The following GPHN variants were observed in gnomAD, a reference collection of about 807,000 sequenced individuals.
GPHN encodes the protein gephyrin.
Under a neutral mutation model 95.5 loss-of-function variants are expected in GPHN, and 17 were observed. The ratio of observed to expected loss-of-function variants is 0.18; its 90% confidence interval spans 0.12 to 0.27. The LOEUF (loss-of-function observed/expected upper bound fraction) is 0.27, where lower values mean the gene tolerates loss of function less well. Ranked by LOEUF, GPHN falls within the 10% of genes least tolerant of loss-of-function variation. The pLI is 1.00. For missense variants in GPHN, 660 were observed against 978.1 expected (o/e 0.67, Z 4.34); for synonymous variants, 320 against 322.5 (o/e 0.99, Z 0.08).
chr14:67,392,412 T>C, the GPHN span: 2 of 1,613,274 alleles, frequency 1.2e-6, no homozygotes, highest in East Asian at 2.2e-5. Flanking sequence ...CTTATCTTCT[T>C]TTTGTAGCTC....
chr14:66,859,638 A>G (rs1467681848), intron 4 of GPHN, among the ~76,000 whole-genome samples: 1 of 152,238 alleles, frequency 6.6e-6, no homozygotes, highest in South Asian at 2.1e-4. Context: ...ATAAGGCACT[A>G]GGGAATAAGC....
At chr14:67,523,266 G>A in the GPHN span, among the ~76,000 whole-genome samples, 1 of 151,162 alleles carries the variant, frequency 6.6e-6, no homozygotes. Flanking sequence ...TGAGGTTGCA[G>A]TGAGCCAAGA....
chr14:66,554,882 A>T (rs956815999), intron 1 of GPHN, among the ~76,000 whole-genome samples: 3 of 152,186 alleles, frequency 2.0e-5, no homozygotes, highest in Non-Finnish European at 4.4e-5. Context: ...TTAGGCCAAG[A>T]ATGTTACATT....
At chr14:67,361,066 A>G in the GPHN span, among the ~76,000 whole-genome samples, 1 of 152,204 alleles carries the variant, frequency 6.6e-6, no homozygotes, top group Admixed American at 6.5e-5. Context: ...TATTTTGGCG[A>G]CAATGAGAAT....
At chr14:67,469,589 C>A in the GPHN span, among the ~76,000 whole-genome samples, 3 of 151,808 alleles carry the variant, frequency 2.0e-5, no homozygotes, top group African/African-American at 7.3e-5. Context: ...CCCAGCCTGA[C>A]TGAGCAACTT....
chr14:67,339,375 A>T, the GPHN span, among the ~76,000 whole-genome samples: 2 of 152,110 alleles, frequency 1.3e-5, no homozygotes, highest in African/African-American at 2.4e-5. Flanking sequence ...TTTTTTTAAA[A>T]TTTTGGCTCA....
chr14:67,112,971 A>G (rs1323533507), intron 15 of GPHN, 47 bp from the exon 16 acceptor site: 1 of 1,587,700 alleles, frequency 6.3e-7, no homozygotes, highest in Non-Finnish European at 8.7e-7. Context: ...AGTTGAGAAA[A>G]TGTTGTTCTC....
intron 1 of GPHN, among the ~76,000 whole-genome samples, chr14:66,568,768 A>G (rs7142929): frequency 0.33 from 49,856 of 151,896 alleles, 12,020 homozygotes; most frequent in African/African-American, 0.66. Flanking sequence ...TATTCCTCAA[A>G]CATATCTTTT....
chr14:67,014,878 A>G lies in GPHN; in HGVS notation c.964-8755A>G, dbSNP rs928546988. On this transcript the variant is annotated intron_variant, in intron 9 of 22. Transcript: ENST00000478722. ...TTTTCAGAACAAGCACCAAACCAAA[A>G]CGATTGTTGGTACCAAGAGGAGACC... Among the ~76,000 whole-genome samples, 5 of 152,194 alleles carry G rather than the reference A, an allele frequency of 3.3e-5. No individual in the cohort carries two copies. In the East Asian group the frequency reaches 9.6e-4, roughly 29 times the overall value.
At chr14:67,407,321 C>T in the GPHN span, among the ~76,000 whole-genome samples, 1 of 151,976 alleles carries the variant, frequency 6.6e-6, no homozygotes, top group African/African-American at 2.4e-5. Flanking sequence ...TGGGGTTTCA[C>T]TATGTTGTCT....
intron 5 of GPHN, among the ~76,000 whole-genome samples, chr14:66,903,408 G>A (rs918706194): frequency 6.6e-6 from 1 of 151,944 alleles, no homozygotes; most frequent in Non-Finnish European, 1.5e-5. Flanking sequence ...TACAGTTACA[G>A]TTGTTACAGT....
At chr14:67,240,105 T>C in the GPHN span, among the ~76,000 whole-genome samples, 1 of 152,134 alleles carries the variant, frequency 6.6e-6, no homozygotes, top group Non-Finnish European at 1.5e-5. Flanking sequence ...TTAAGGTCTT[T>C]AGTGGCATGC....
At chr14:66,642,797 T>A (rs2064498052) in intron 1 of GPHN, among the ~76,000 whole-genome samples, 1 of 152,040 alleles carries the variant, frequency 6.6e-6, no homozygotes, top group Non-Finnish European at 1.5e-5. Flanking sequence ...CAATTCAATA[T>A]CCTTATAGAA....
At chr14:67,324,897 A>ATTTTTTTTTTTTTTTTT in the GPHN span, among the ~76,000 whole-genome samples, 1 of 76,336 alleles carries the variant, frequency 1.3e-5, no homozygotes, top group Non-Finnish European at 2.4e-5. Flanking sequence ...CCTTCCTTTC[A>ATTTTTTTTTTTTTTTTT]TTTTTTTTTT....
chr14:67,343,316 C>A, the GPHN span: 1 of 1,359,182 alleles, frequency 7.4e-7, no homozygotes, highest in Non-Finnish European at 1.0e-6. Context: ...AGCAGTTTCA[C>A]GACAAGTGGA....
chr14:67,569,311 G>A, the GPHN span: 1 of 856,022 alleles, frequency 1.2e-6, no homozygotes, highest in Non-Finnish European at 1.9e-6. Flanking sequence ...CCCAGGGCCA[G>A]GGTTGGCTGG....
At chr14:66,726,948 G>C (rs528391540) in intron 2 of GPHN, among the ~76,000 whole-genome samples, 1 of 152,218 alleles carries the variant, frequency 6.6e-6, no homozygotes, top group South Asian at 2.1e-4. Context: ...TTTGTGTTTA[G>C]ACTTTAGTCT....
the GPHN span, among the ~76,000 whole-genome samples, chr14:67,695,335 GCCTTAC>G: frequency 6.6e-6 from 1 of 152,220 alleles, no homozygotes; most frequent in Non-Finnish European, 1.5e-5. Context: ...GTTTGAGGTA[GCCTTAC>G]CCTCGGGATT....
At chr14:66,725,351 ATTTAGT>A (rs964681425) in intron 2 of GPHN, among the ~76,000 whole-genome samples, 1 of 152,142 alleles carries the variant, frequency 6.6e-6, no homozygotes, top group Non-Finnish European at 1.5e-5. Context: ...ATAGGTCTTT[ATTTAGT>A]TCTAATCTTT....
Sources: allele counts gnomAD v4.1 joint callset (sites outside exome capture counted in the v4.1 genomes callset), GRCh38; gene constraint gnomAD v4.1.1; transcripts MANE v1.5; gene names NCBI Gene and HGNC (gene_info 2026-07-23, HGNC 2026-07-21).